Variants in CSMD1 observed in about 807,000 individuals in gnomAD.
CSMD1 encodes the protein CUB and sushi domain-containing protein 1.
CSMD1 carries 213 observed loss-of-function variants against 417.5 expected under a neutral mutation model. The observed-to-expected ratio is 0.51, with a 90% confidence interval of 0.46 to 0.57. The LOEUF (loss-of-function observed/expected upper bound fraction) is 0.57. CSMD1 is among the 20% of genes least tolerant of loss of function. The probability of loss-of-function intolerance (pLI) is 0.00; values close to 1 mark genes in which losing one functional copy is unlikely to be tolerated. For synonymous variants in CSMD1, 2,862 were observed against 1,736.8 expected (o/e 1.65, Z -16.11); for missense variants, 6,923 against 4,529.7 (o/e 1.53, Z -15.17).
rs1206208249 is a variant in CSMD1, at chr8:3,910,679, T to C, written c.818+87224A>G. Among the ~76,000 whole-genome samples the C allele has an allele frequency of 3.3e-5, 5 of 152,306 alleles. No individual in the cohort carries two copies. The East Asian group carries it at 9.7e-4, about 29-fold the overall frequency. On this transcript the variant is annotated intron_variant, in intron 5 of 69. Transcript: ENST00000635120. ...CTGATATTGCTAAATCTATAATCTATTTTCCCCTTTGTATTTGCATATGCT... is the reference window on the plus strand; with the variant it reads ...CTGATATTGCTAAATCTATAATCTACTTTCCCCTTTGTATTTGCATATGCT...
intron 3 of CSMD1, among the ~76,000 whole-genome samples, chr8:4,058,011 A>T (rs1054255168): frequency 6.6e-6 from 1 of 151,560 alleles, no homozygotes; most frequent in Non-Finnish European, 1.5e-5. Flanking sequence ...TGACTTGGCA[A>T]TGTGGGCTCT....
intron 12 of CSMD1, among the ~76,000 whole-genome samples, chr8:3,427,755 T>C (rs1585149621): frequency 6.6e-6 from 1 of 152,206 alleles, no homozygotes; most frequent in South Asian, 2.1e-4. Context: ...AGGCTAATAA[T>C]AACCTATCTT....
intron 2 of CSMD1, among the ~76,000 whole-genome samples, chr8:4,555,443 C>G (rs746039672): frequency 6.6e-6 from 1 of 152,214 alleles, no homozygotes; most frequent in East Asian, 1.9e-4. Context: ...ATGCTGTTGT[C>G]AAGGACCTCA....
chr8:4,098,460 T>C (rs1370482268), intron 3 of CSMD1, among the ~76,000 whole-genome samples: 1 of 152,136 alleles, frequency 6.6e-6, no homozygotes, highest in Non-Finnish European at 1.5e-5. Flanking sequence ...ACACATATTG[T>C]TCCATGTTGG....
intron 5 of CSMD1, among the ~76,000 whole-genome samples, chr8:3,897,847 T>G (rs998431233): frequency 6.6e-6 from 1 of 152,174 alleles, no homozygotes; most frequent in African/African-American, 2.4e-5. Context: ...CTGAGGATAT[T>G]AAAGTGCTGC....
At chr8:3,565,536 T>A (rs895289144) in intron 10 of CSMD1, among the ~76,000 whole-genome samples, 1 of 152,220 alleles carries the variant, frequency 6.6e-6, no homozygotes, top group African/African-American at 2.4e-5. Context: ...CAACATAGGT[T>A]TCTATGTTAA....
intron 5 of CSMD1, among the ~76,000 whole-genome samples, chr8:3,886,137 G>A (rs963212837): frequency 2.6e-5 from 4 of 152,032 alleles, no homozygotes; most frequent in African/African-American, 9.7e-5. Context: ...TGCAACCTCT[G>A]TCTCTCTGTT....
chr8:4,907,178 CCTT>C (rs1180463451), intron 1 of CSMD1, among the ~76,000 whole-genome samples: 2 of 152,166 alleles, frequency 1.3e-5, no homozygotes, highest in African/African-American at 2.4e-5. Context: ...CTTTCCCTGT[CCTT>C]CTATTTTTTC....
chr8:4,223,120 T>A (rs187724339), intron 3 of CSMD1, among the ~76,000 whole-genome samples: 15 of 152,008 alleles, frequency 9.9e-5, no homozygotes, highest in African/African-American at 3.6e-4. Context: ...TAGTAGCAAG[T>A]GGCTCAGTAA....
In CSMD1 at chr8:4,187,001, T is replaced by C. The variant is rs188008938; in HGVS notation, c.416-154902A>G. ...TGTCTCAAAAAAATATAAATAAAAA[T>C]AAAATAACAAGTGTTCTTCTTCCTT... On this transcript the variant is annotated intron_variant, in intron 3 of 69. Transcript: ENST00000635120. 1.1e-4 allele frequency among the ~76,000 whole-genome samples: 17 copies of C among 152,116 alleles called. No individual in the cohort carries two copies. The East Asian group carries it at 3.1e-3, about 28-fold the overall frequency.
Position 4,898,759 on chromosome 8 carries a change from C to T in CSMD1, c.85+95573G>A, listed in dbSNP as rs559597243. Among the ~76,000 whole-genome samples, 19 of 152,066 alleles carry T rather than the reference C, an allele frequency of 1.2e-4. No homozygotes were observed. In the South Asian group the frequency reaches 3.3e-3, roughly 27 times the overall value. The stretch of plus-strand genomic sequence containing the variant: ...TGACTTTCATGTAAATTTAGTTCAT[C>T]GTTGGAAGCGGGGGGAAGTGAAATG... On this transcript the variant is annotated intron_variant, in intron 1 of 69. Transcript: ENST00000635120.
At chr8:3,210,202 G>A (rs10101045) in intron 30 of CSMD1, among the ~76,000 whole-genome samples, 81,521 of 151,794 alleles carry the variant, frequency 0.54, 22,208 homozygotes, top group African/African-American at 0.64. Context: ...TCTCCATGAG[G>A]GATCCAAGAT....
chr8:3,463,019 A>G (rs1816605593), intron 12 of CSMD1, among the ~76,000 whole-genome samples: 1 of 152,218 alleles, frequency 6.6e-6, no homozygotes, highest in Admixed American at 6.5e-5. Flanking sequence ...AGAAGGCGCC[A>G]TCTATGAACC....
At chr8:4,031,880 C>G (rs374671552) in intron 4 of CSMD1, 25 bp downstream of exon 4, 5 of 1,580,260 alleles carry the variant, frequency 3.2e-6, no homozygotes, top group Non-Finnish European at 4.3e-6. Context: ...GGAGTCTGCT[C>G]ACCAGCCCCC....
intron 31 of CSMD1, among the ~76,000 whole-genome samples, chr8:3,205,109 A>C (rs1357835049): frequency 6.6e-6 from 1 of 152,218 alleles, no homozygotes; most frequent in Non-Finnish European, 1.5e-5. Flanking sequence ...TGATCTGGTT[A>C]CTGAGTTCAC....
chr8:4,911,533 A>T (rs993338310), intron 1 of CSMD1, among the ~76,000 whole-genome samples: 2 of 152,320 alleles, frequency 1.3e-5, no homozygotes. Flanking sequence ...CTTAATCCCA[A>T]GTCAGGGCCA....
intron 2 of CSMD1, among the ~76,000 whole-genome samples, chr8:4,452,757 T>C (rs752123121): frequency 1.2e-4 from 19 of 152,014 alleles, no homozygotes; most frequent in Non-Finnish European, 2.2e-4. Flanking sequence ...TTTCAACATA[T>C]CATCCAATAA....
In CSMD1 at chr8:3,772,378, T is replaced by A. The variant is rs1409770316; in HGVS notation, c.819-18336A>T. On this transcript the variant is annotated intron_variant, in intron 5 of 69. Transcript: ENST00000635120. Reference sequence around the variant, plus strand: ...ATTTATATATACATATATACATATATTCATATATTTATATATACACATATA... The same window carrying A: ...ATTTATATATACATATATACATATAATCATATATTTATATATACACATATA... Among the ~76,000 whole-genome samples the A allele has an allele frequency of 6.0e-4, 81 of 135,028 alleles. 8 individuals carry two copies. The highest frequency in any genetic ancestry group is 7.5e-4 in the Non-Finnish European group (49 of 65,402). 88.6% of individuals were successfully genotyped at this position (135,028 alleles called of 152,430 possible). A position where few individuals can be genotyped will look rare whatever the true frequency, so the allele number is the denominator to read the frequency against.
chr8:3,088,086 C>G (rs1174032353), intron 48 of CSMD1, among the ~76,000 whole-genome samples: 3 of 152,180 alleles, frequency 2.0e-5, no homozygotes, highest in East Asian at 1.9e-4. Context: ...TCTCTTGAGT[C>G]AATTACAATC....
Sources: gnomAD v4.1 joint callset for allele counts (sites outside exome capture counted in the v4.1 genomes callset) on GRCh38, gnomAD v4.1.1 for gene constraint, MANE v1.5 for transcripts, NCBI Gene and HGNC (gene_info 2026-07-23, HGNC 2026-07-21) for gene names.